OVCH2: variants seen among roughly 807,000 people sequenced by gnomAD.
OVCH2 encodes ovochymase 2, also known as ovochymase-2.
A neutral mutation model predicts 73.7 loss-of-function variants in OVCH2; 88 were observed. The observed-to-expected ratio is 1.19, with a 90% CI of 1.01 to 1.43. The LOEUF is 1.43. Ranked by LOEUF, OVCH2 falls within the 40% of genes most tolerant of loss-of-function variation. OVCH2 has a pLI of 0.00. For synonymous variants in OVCH2, 265 were observed against 234.5 expected (o/e 1.13, Z -1.19); for missense variants, 706 against 674.5 (o/e 1.05, Z -0.52).
At chr11:7,689,859 C>G (rs1856185943) in intron 15 of OVCH2, 65 bp downstream of exon 15, 2 of 995,024 alleles carry the variant, frequency 2.0e-6, no homozygotes, top group East Asian at 2.6e-5. Flanking sequence ...TCCATATCAC[C>G]TGCTTCTCCG....
At chr11:7,691,808 G>T in intron 13 of OVCH2, 94 bp downstream of exon 13, 1 of 935,980 alleles carries the variant, frequency 1.1e-6, no homozygotes, top group Non-Finnish European at 1.6e-6. Flanking sequence ...GGTGCAGGAA[G>T]ATGGAGGAAG....
chr11:7,687,386 G>T (rs1174085433), downstream of OVCH2, among the ~76,000 whole-genome samples: 1 of 151,842 alleles, frequency 6.6e-6, no homozygotes, highest in Non-Finnish European at 1.5e-5. Context: ...CTAAGGCTGA[G>T]AAATAAATTC....
chr11:7,681,685 G>T, the OVCH2 span, among the ~76,000 whole-genome samples: 1 of 152,250 alleles, frequency 6.6e-6, no homozygotes, highest in East Asian at 1.9e-4. Context: ...AGAGCCTCCA[G>T]AAGGAATTGC....
At chr11:7,696,283 G>T (rs138333196) in intron 10 of OVCH2, among the ~76,000 whole-genome samples, 182 bp downstream of exon 10, 118 of 152,302 alleles carry the variant, frequency 7.7e-4, no homozygotes, top group Non-Finnish European at 1.4e-3. Flanking sequence ...AAATTGCCCT[G>T]TGACCTTGCA....
At chr11:7,691,177 C>T (rs751700659) in intron 14 of OVCH2, 92 bp downstream of exon 14, 18 of 1,424,916 alleles carry the variant, frequency 1.3e-5, no homozygotes, top group Admixed American at 6.1e-5. Flanking sequence ...TAGTGAGAAT[C>T]GACTGTCTCT....
chr11:7,689,889 T>C, intron 15 of OVCH2, 35 bp downstream of exon 15: 1 of 1,233,978 alleles, frequency 8.1e-7, no homozygotes, highest in Non-Finnish European at 1.1e-6. Flanking sequence ...TGGATTATAC[T>C]CTGTGTGTAT....
chr11:7,687,996 G>T (rs1034076598), downstream of OVCH2, among the ~76,000 whole-genome samples: 13 of 152,112 alleles, frequency 8.5e-5, no homozygotes, highest in Non-Finnish European at 1.6e-4. Flanking sequence ...TCTCCCCAAG[G>T]ACCCACTCCA....
At chr11:7,704,967 GAA>G (rs750247409) in intron 1 of OVCH2, among the ~76,000 whole-genome samples, 31 of 152,204 alleles carry the variant, frequency 2.0e-4, no homozygotes, top group Admixed American at 5.9e-4. Flanking sequence ...CTTTATCCCT[GAA>G]AAAGTTGTTT....
At chr11:7,687,959 G>A (rs1856161199), downstream of OVCH2, among the ~76,000 whole-genome samples, 1 of 152,068 alleles carries the variant, frequency 6.6e-6, no homozygotes, top group South Asian at 2.1e-4. Flanking sequence ...TCCCATCGAT[G>A]AGGGCTCCAC....
rs1294915447 is a variant in OVCH2, at chr11:7,691,238, A to T, written c.1639+31T>A. 5 of 1,572,988 alleles carry T rather than the reference A, an allele frequency of 3.2e-6. No homozygotes were observed. In the African/African-American group the frequency reaches 5.4e-5, roughly 17 times the overall value. ...TCACATCACAAGGATTAGAACTGGGAACCAAAGAGTTGGTAACTCTATCTT... is the reference window on the plus strand; with the variant it reads ...TCACATCACAAGGATTAGAACTGGGTACCAAAGAGTTGGTAACTCTATCTT... On this transcript the variant is annotated intron_variant, in intron 14 of 15. Transcript: ENST00000533663.
chr11:7,686,744 CT>C (rs1445098477), downstream of OVCH2, among the ~76,000 whole-genome samples: 1 of 152,164 alleles, frequency 6.6e-6, no homozygotes, highest in East Asian at 1.9e-4. Context: ...TCACAGAAAG[CT>C]TTTTTTAGAA....
chr11:7,682,604 C>T, the OVCH2 span, among the ~76,000 whole-genome samples: 4 of 152,216 alleles, frequency 2.6e-5, no homozygotes, highest in Non-Finnish European at 4.4e-5. Flanking sequence ...ACTGTTCCCA[C>T]CTGACTAAAT....
At chr11:7,686,593 C>T (rs75181220), downstream of OVCH2, among the ~76,000 whole-genome samples, 3 of 152,292 alleles carry the variant, frequency 2.0e-5, no homozygotes, top group Middle Eastern at 3.4e-3. Context: ...CATTCTCATT[C>T]TCACAAATTA....
At chr11:7,697,672 G>C (rs1014300949) in intron 8 of OVCH2, among the ~76,000 whole-genome samples, 1 of 151,916 alleles carries the variant, frequency 6.6e-6, no homozygotes, top group African/African-American at 2.4e-5. Flanking sequence ...CTCCTTCTTC[G>C]TTACAACCTT....
intron 6 of OVCH2, among the ~76,000 whole-genome samples, chr11:7,700,772 G>A (rs760370664): frequency 3.2e-4 from 48 of 152,216 alleles, no homozygotes; most frequent in Non-Finnish European, 5.9e-4. Flanking sequence ...AGAAGTCTTG[G>A]CCAGCAATGA....
chr11:7,701,677 C>T (rs775275448), intron 5 of OVCH2, 39 bp downstream of exon 5: 1 of 1,579,962 alleles, frequency 6.3e-7, no homozygotes, highest in East Asian at 2.3e-5. Context: ...CCAGAAAGTT[C>T]TGACCTCTGC....
At chr11:7,694,346 C>T (rs1367240055) in intron 12 of OVCH2, among the ~76,000 whole-genome samples, 2 of 152,182 alleles carry the variant, frequency 1.3e-5, no homozygotes, top group East Asian at 3.9e-4. Context: ...GTTCAAAGGC[C>T]TCCATACAGT....
chr11:7,705,313 T>C (rs1486255911), intron 1 of OVCH2: 1 of 152,240 alleles, frequency 6.6e-6, no homozygotes, highest in Admixed American at 6.5e-5. Flanking sequence ...CATGCAGAAT[T>C]GTGATAATGA....
chr11:7,683,508 C>G, the OVCH2 span, among the ~76,000 whole-genome samples: 1 of 152,326 alleles, frequency 6.6e-6, no homozygotes, highest in South Asian at 2.1e-4. Context: ...TAACTGATCT[C>G]TCTGCTTCCT....
Sources: allele counts gnomAD v4.1 joint callset (sites outside exome capture counted in the v4.1 genomes callset), GRCh38; gene constraint gnomAD v4.1.1; transcripts MANE v1.5; gene names NCBI Gene and HGNC (gene_info 2026-07-23, HGNC 2026-07-21).